The following SCUBE3 variants were observed in gnomAD, a reference collection of about 807,000 sequenced individuals.
SCUBE3 encodes the protein signal peptide, CUB domain and EGF like domain containing 3.
Under a neutral mutation model 116.8 loss-of-function variants are expected in SCUBE3, and 33 were observed. That is an observed-to-expected ratio of 0.28 (90% CI 0.21 to 0.38). The LOEUF (loss-of-function observed/expected upper bound fraction) is 0.38. Among genes scored for constraint, SCUBE3 ranks in the 10% least tolerant of loss-of-function variants. SCUBE3 has a pLI of 1.00. For missense variants in SCUBE3, 1,007 were observed against 1,324.8 expected, an observed-to-expected ratio of 0.76 and a Z score of 3.72; for synonymous variants, 418 against 496.9, an observed-to-expected ratio of 0.84 and a Z score of 2.11.
chr6:35,234,284 G>A (rs1379612750), intron 6 of SCUBE3, among the ~76,000 whole-genome samples: 2 of 152,148 alleles, frequency 1.3e-5, no homozygotes, highest in Non-Finnish European at 1.5e-5. Context: ...GGTGGGCTGT[G>A]GCATGCTGAG....
Position 35,232,840 on chromosome 6 carries a change from T to C in SCUBE3, c.470-10T>C. 6.2e-7 allele frequency: 1 copy of C among 1,613,970 alleles called. No individual in the cohort carries two copies. The highest frequency in any genetic ancestry group is 8.5e-7 in the Non-Finnish European group (1 of 1,179,914). The stretch of plus-strand genomic sequence containing the variant: ...GTACAGAGCATTCACACCCCTTTCT[T>C]CTCTTTTAGAAGGAATGAATTGCAT... On this transcript the variant is annotated splice_polypyrimidine_tract_variant and intron_variant, in intron 4 of 21. Transcript: ENST00000274938. This position sits in a 1 kb window ranked among gnomAD's most constrained non-coding sequence, Gnocchi z 4.2.
chr6:35,243,549 G>A lies in SCUBE3; in HGVS notation c.1910-45G>A, dbSNP rs1784180092. On this transcript the variant is annotated intron_variant, in intron 15 of 21. Transcript: ENST00000274938. The surrounding 1 kb of genome is among the most constrained non-coding windows in gnomAD (Gnocchi z 6.6). Reference sequence around the variant, plus strand: ...AAGGGGAGTCCCAGGCCTGGGTGGTGGGAAATGCGGGGGTGGGTGGCTAGC... The same window carrying A: ...AAGGGGAGTCCCAGGCCTGGGTGGTAGGAAATGCGGGGGTGGGTGGCTAGC... 1 of 1,516,476 alleles carries A rather than the reference G, an allele frequency of 6.6e-7. No individual in the cohort carries two copies. Among genetic ancestry groups the A allele is most frequent in the South Asian group, 1.3e-5 (1 of 79,214 alleles). The allele number at this position is 1,516,476 out of a possible 1,614,324, so 93.9% of individuals were successfully genotyped here. A position where few individuals can be genotyped will look rare whatever the true frequency, so the allele number is the denominator to read the frequency against.
At chr6:35,225,002 G>A (rs1581915048) in intron 1 of SCUBE3, among the ~76,000 whole-genome samples, 1 of 152,192 alleles carries the variant, frequency 6.6e-6, no homozygotes, top group African/African-American at 2.4e-5. Flanking sequence ...TGTGGCTATT[G>A]CGCATTTGGC....
intron 21 of SCUBE3, among the ~76,000 whole-genome samples, chr6:35,246,707 G>A (rs1167974446): frequency 6.6e-6 from 1 of 152,260 alleles, no homozygotes; most frequent in Non-Finnish European, 1.5e-5. Context: ...TGCGTGTGGT[G>A]GTTCACGCCT....
chr6:35,244,003 G>A lies in SCUBE3; in HGVS notation c.2112G>A (p.Lys704=). Residue 704 remains lysine, a synonymous_variant, in exon 17 of 22, where the codon AAG becomes AAA. Coordinates refer to ENST00000274938, the MANE Select transcript of SCUBE3 (RefSeq NM_152753.4). The surrounding 1 kb of genome is among the most constrained non-coding windows in gnomAD (Gnocchi z 4.3). ...PPGQHSVDGF[K]PCQPCPRGTY... ...GCCAACACTCTGTAGATGGGTTCAA[G>A]CCCTGTCAGCCATGCCCACGTGGCA... 6.2e-7 allele frequency: 1 copy of A among 1,614,158 alleles called. No homozygotes were observed. The highest frequency in any genetic ancestry group is 8.5e-7 in the Non-Finnish European group (1 of 1,180,014).
rs1213320409 is a variant in SCUBE3 at position 35,245,303 on chromosome 6, C to A, written c.2477C>A (p.Ala826Asp). The stretch of plus-strand genomic sequence containing the variant: ...CCCAACTACCCGGGCAACTACCCAG[C>A]TGGTGTGGAGTGCATCTGGAACATC... The part of the protein sequence containing the change: ...ESPNYPGNYP[A>D]GVECIWNINP... Residue 826 changes from alanine to aspartate, a missense_variant, in exon 19 of 22, where the codon GCT becomes GAT. Physicochemically the swap from Ala to Asp is moderately radical, Grantham distance 126. This residue lies in a region of SCUBE3 where 544 missense variants were observed against 638.9 expected (regional missense o/e 0.85). Transcript: ENST00000274938. This position sits in a 1 kb window ranked among gnomAD's most constrained non-coding sequence, Gnocchi z 4.2. 3.7e-6 allele frequency: 6 copies of A among 1,613,948 alleles called. No homozygotes were observed. Among genetic ancestry groups the A allele is most frequent in the Non-Finnish European group, 5.1e-6 (6 of 1,179,934 alleles).
chr6:35,252,513 G>C lies in SCUBE3; in HGVS notation c.*3808G>C, dbSNP rs1784588232. 1 of 152,204 alleles carries C rather than the reference G, an allele frequency of 6.6e-6. No individual in the cohort carries two copies. The highest frequency in any genetic ancestry group is 1.5e-5 in the Non-Finnish European group (1 of 68,032). 9.4% of individuals were successfully genotyped at this position (152,204 alleles called of 1,614,324 possible). ...GAGCACTCGAACTTTTGTATTTGCT[G>C]CTTAACCTCAATATTACAGCCACAA... On this transcript the variant is annotated 3_prime_UTR_variant, in exon 22 of 22. Coordinates refer to ENST00000274938, the MANE Select transcript of SCUBE3 (RefSeq NM_152753.4).
Position 35,233,041 on chromosome 6 carries a change from G to A in SCUBE3, c.595+66G>A. ...GGTGAAAACATAGAGGAAGGGTATAGGGCTTCAGGAGCAAGAGGACAGGGC... is the reference window on the plus strand; with the variant it reads ...GGTGAAAACATAGAGGAAGGGTATAAGGCTTCAGGAGCAAGAGGACAGGGC... On this transcript the variant is annotated intron_variant, in intron 5 of 21. Coordinates refer to ENST00000274938, the MANE Select transcript of SCUBE3 (RefSeq NM_152753.4). The surrounding 1 kb of genome is among the most constrained non-coding windows in gnomAD (Gnocchi z 5.7). 1 of 1,586,822 alleles carries A rather than the reference G, an allele frequency of 6.3e-7. No homozygotes were observed.
chr6:35,216,688 A>G (rs185744127), intron 1 of SCUBE3, among the ~76,000 whole-genome samples: 116 of 152,342 alleles, frequency 7.6e-4, no homozygotes, highest in African/African-American at 2.7e-3. Context: ...CCTGGTTATC[A>G]GCAGTGCCAG....
Position 35,239,335 on chromosome 6 carries a change from G to A in SCUBE3, c.830-417G>A, listed in dbSNP as rs1252346619. ...TTGCCCCGCACCCCCCCAACCCCCC[G>A]TCCTGAGGGACAGGAAAGAGATAAC... On this transcript the variant is annotated intron_variant, in intron 7 of 21. Coordinates refer to ENST00000274938, the MANE Select transcript of SCUBE3 (RefSeq NM_152753.4). This position sits in a 1 kb window ranked among gnomAD's most constrained non-coding sequence, Gnocchi z 4.1. Among the ~76,000 whole-genome samples, 2 of 103,982 alleles carry A rather than the reference G, an allele frequency of 1.9e-5. No individual in the cohort carries two copies. The highest frequency in any genetic ancestry group is 2.9e-4 in the East Asian group (1 of 3,446). The allele number at this position is 103,982 out of a possible 152,430, so 68.2% of individuals were successfully genotyped here.
intron 1 of SCUBE3, among the ~76,000 whole-genome samples, chr6:35,217,553 GTGTA>G (rs1782971911): frequency 1.3e-5 from 2 of 151,844 alleles, no homozygotes; most frequent in Admixed American, 1.3e-4. Flanking sequence ...CTCTGTCTGG[GTGTA>G]TGTGTCTCTT....
rs1342053207 is a variant in SCUBE3 at position 35,244,308 on chromosome 6, C to T, written c.2239+178C>T. Among the ~76,000 whole-genome samples, 1 of 152,204 alleles carries T rather than the reference C, an allele frequency of 6.6e-6. No individual in the cohort carries two copies. Among genetic ancestry groups the T allele is most frequent in the Non-Finnish European group, 1.5e-5 (1 of 68,044 alleles). ...ACCCACCCTGCCCCTCCACTAGTCC[C>T]AAGCTTGGGAACTGAGAAATAATTA... is the stretch of plus-strand genomic sequence containing the variant. On this transcript the variant is annotated intron_variant, in intron 17 of 21. Transcript: ENST00000274938. This position sits in a 1 kb window ranked among gnomAD's most constrained non-coding sequence, Gnocchi z 4.3.
In SCUBE3 at chr6:35,246,098, T is replaced by TA. The variant is rs752736945; in HGVS notation, c.2752+4dup. ...AGATTCCCTATGTTACCTATGATGG[T>TA]AAGCCAAGGAGGTGGGTGAGAAGGG... On this transcript the variant is annotated splice_region_variant and intron_variant, in intron 20 of 21. Coordinates refer to ENST00000274938, the MANE Select transcript of SCUBE3 (RefSeq NM_152753.4). 1 of 1,614,020 alleles carries TA rather than the reference T, an allele frequency of 6.2e-7. No individual in the cohort carries two copies. The highest frequency in any genetic ancestry group is 8.5e-7 in the Non-Finnish European group (1 of 1,179,980).
intron 1 of SCUBE3, among the ~76,000 whole-genome samples, chr6:35,216,346 G>T (rs901517995): frequency 3.3e-5 from 5 of 151,808 alleles, no homozygotes; most frequent in African/African-American, 1.2e-4. Flanking sequence ...GGAACTTAGA[G>T]TAGTTTTTGT....
rs1012075293 is a variant in SCUBE3, at chr6:35,214,210, C to G, written c.-209C>G. Among the ~76,000 whole-genome samples the G allele has an allele frequency of 6.6e-6, 1 of 152,172 alleles. No individual in the cohort carries two copies. Among genetic ancestry groups the G allele is most frequent in the East Asian group, 1.9e-4 (1 of 5,158 alleles). ...GCCTCGTCGCACTCTCCGCCTCGCT[C>G]TCCCCGACGTCCGGCCAGGAGGAGC... On this transcript the variant is annotated 5_prime_UTR_variant, in exon 1 of 22. Transcript: ENST00000274938. The surrounding 1 kb of genome is among the most constrained non-coding windows in gnomAD (Gnocchi z 6.3).
rs947229807 is a variant in SCUBE3, at chr6:35,250,404, G to T, written c.*1699G>T. ...CCACCTGGGGATGGGCTGACTCAGGGTCCCGAGGCCAGAGACAAAGCTGTG... is the reference window on the plus strand; with the variant it reads ...CCACCTGGGGATGGGCTGACTCAGGTTCCCGAGGCCAGAGACAAAGCTGTG... On this transcript the variant is annotated 3_prime_UTR_variant, in exon 22 of 22. Transcript: ENST00000274938. 3 of 152,206 alleles carry T rather than the reference G, an allele frequency of 2.0e-5. No homozygotes were observed. The highest frequency in any genetic ancestry group is 7.2e-5 in the African/African-American group (3 of 41,434). 9.4% of individuals were successfully genotyped at this position (152,206 alleles called of 1,614,324 possible).
intron 1 of SCUBE3, among the ~76,000 whole-genome samples, chr6:35,218,672 T>G (rs902236505): frequency 6.6e-6 from 1 of 152,050 alleles, no homozygotes; most frequent in African/African-American, 2.4e-5. Flanking sequence ...CTGCTGGGCC[T>G]TGGGTATAGA....
chr6:35,236,531 G>A (rs1042731772), intron 6 of SCUBE3, among the ~76,000 whole-genome samples: 4 of 152,308 alleles, frequency 2.6e-5, no homozygotes, highest in East Asian at 1.9e-4. Context: ...AGAGCCTCAG[G>A]AGAGACTAAA....
rs767311708 is a variant in SCUBE3 at position 35,239,885 on chromosome 6, TCAG to T, written c.952+13_952+15del. The T allele has an allele frequency of 1.1e-5, 17 of 1,592,998 alleles. No homozygotes were observed. The South Asian group carries it at 1.9e-4, about 18-fold the overall frequency. On this transcript the variant is annotated intron_variant, in intron 8 of 21. Coordinates refer to ENST00000274938, the MANE Select transcript of SCUBE3 (RefSeq NM_152753.4). This position sits in a 1 kb window ranked among gnomAD's most constrained non-coding sequence, Gnocchi z 4.1. ...AGAGGAACTGCCAGGGTGAGCAGAC[TCAG>T]CCAAAGGTGAAAGCCTTAGGAGAGG...
Sources: gnomAD v4.1 joint callset for allele counts (sites outside exome capture counted in the v4.1 genomes callset) on GRCh38, gnomAD v4.1.1 for gene constraint, gnomAD v4.1.1 regional missense constraint, Gnocchi (gnomAD v3.1) non-coding constraint, MANE v1.5 for transcripts, NCBI Gene and HGNC (gene_info 2026-07-23, HGNC 2026-07-21) for gene names.